The following BYSL variants were observed in gnomAD, a reference collection of about 807,000 sequenced individuals.
BYSL encodes the protein bystin.
BYSL carries 21 observed loss-of-function variants against 45.4 expected under a neutral mutation model. The observed-to-expected ratio is 0.46, with a 90% confidence interval of 0.33 to 0.67. The LOEUF (loss-of-function observed/expected upper bound fraction) is 0.67. BYSL is among the 30% of genes least tolerant of loss of function. BYSL has a pLI of 0.02. For synonymous variants in BYSL, 215 were observed against 231.3 expected (o/e 0.93, Z 0.64); for missense variants, 522 against 578.5 (o/e 0.90, Z 1.00).
chr6:41,930,378 G>A, intron 3 of BYSL, 108 bp downstream of exon 3: 2 of 1,433,956 alleles, frequency 1.4e-6, no homozygotes, highest in Non-Finnish European at 9.3e-7. Context: ...GAAGTCATGG[G>A]AGTAGAAAAC....
the BYSL span, among the ~76,000 whole-genome samples, chr6:41,912,050 CTTCT>C: frequency 2.0e-5 from 3 of 148,732 alleles, no homozygotes; most frequent in Admixed American, 1.4e-4. Context: ...TTTTCCTTTT[CTTCT>C]TTTTTTTTTT....
chr6:41,921,193 G>T, upstream of BYSL: 1 of 810,418 alleles, frequency 1.2e-6, no homozygotes, highest in Non-Finnish European at 1.9e-6. Flanking sequence ...GCGTGTCTCG[G>T]CACCCCTCGG....
chr6:41,930,261 G>T lies in BYSL; in HGVS notation c.561G>T (p.Gly187=), dbSNP rs775113265. 1 of 1,613,330 alleles carries T rather than the reference G, an allele frequency of 6.2e-7. No homozygotes were observed. The highest frequency in any genetic ancestry group is 8.5e-7 in the Non-Finnish European group (1 of 1,179,456). ...CCCGGGTCCTAGAAGTGTACAGGGG[G>T]GTCCGGGAGGTAAGAGCTGAGAGGG... is the stretch of plus-strand genomic sequence containing the variant. ...LDPRVLEVYR[G]VREVLSKYRS... The change falls in exon 3 of 7, where the codon GGG becomes GGT. Residue 187 remains glycine (G), a synonymous_variant. Coordinates refer to ENST00000230340, the MANE Select transcript of BYSL (RefSeq NM_004053.4).
rs376325571 is a variant in BYSL at position 41,921,875 on chromosome 6, G to A, written c.268+45G>A. On this transcript the variant is annotated intron_variant, in intron 1 of 6. Coordinates refer to ENST00000230340, the MANE Select transcript of BYSL (RefSeq NM_004053.4). ...TCCGAGGAAGACAGTGGCCAGTAGT[G>A]GGGCGGGGTGGGCAGCTAAAAAGTG... The A allele has an allele frequency of 8.3e-6, 13 of 1,565,358 alleles. No homozygotes were observed. In the African/African-American group the frequency reaches 1.8e-4, roughly 21 times the overall value.
chr6:41,932,095 C>T lies in BYSL; in HGVS notation c.968+265C>T, dbSNP rs762434761. Among the ~76,000 whole-genome samples, 44 of 152,018 alleles carry T rather than the reference C, an allele frequency of 2.9e-4. No individual in the cohort carries two copies. The highest frequency in any genetic ancestry group is 1.2e-4 in the Non-Finnish European group (8 of 68,014). ...AGGAAGAAAGTAGTTAGGGTGGAGACGTTGAGATGTTTGGACCATACTCTA... is the reference window on the plus strand; with the variant it reads ...AGGAAGAAAGTAGTTAGGGTGGAGATGTTGAGATGTTTGGACCATACTCTA... On this transcript the variant is annotated intron_variant, in intron 6 of 6. Coordinates refer to ENST00000230340, the MANE Select transcript of BYSL (RefSeq NM_004053.4). The surrounding 1 kb of genome is among the most constrained non-coding windows in gnomAD (Gnocchi z 4.7).
chr6:41,927,753 A>T (rs1003295858), intron 2 of BYSL: 12 of 513,830 alleles, frequency 2.3e-5, no homozygotes, highest in African/African-American at 2.1e-4. Flanking sequence ...CATTTGTTGT[A>T]CAACTGCCCA....
chr6:41,932,605 C>G lies in BYSL; in HGVS notation c.1213C>G (p.Leu405Val). ...TDQKEALLEL[L>V]RLQPHPQLSP... ...CCAGAAAGAGGCCCTCTTAGAACTG[C>G]TCCGGCTGCAGCCCCATCCACAGCT... Residue 405 changes from leucine (L) to valine (V), a missense_variant, in exon 7 of 7, where the codon CTC becomes GTC. Physicochemically the swap from Leu to Val is conservative, Grantham distance 32. Coordinates refer to ENST00000230340, the MANE Select transcript of BYSL (RefSeq NM_004053.4). The surrounding 1 kb of genome is among the most constrained non-coding windows in gnomAD (Gnocchi z 4.7). The G allele has an allele frequency of 1.9e-6, 3 of 1,614,192 alleles. No homozygotes were observed. The highest frequency in any genetic ancestry group is 2.5e-6 in the Non-Finnish European group (3 of 1,180,030).
rs1312433133 is a variant in BYSL, at chr6:41,931,423, C to A, written c.732C>A (p.Arg244=). ...TRIFASNLKE[R]MAQRFYNLVL... Reference sequence around the variant, plus strand: ...TTTTTGCCTCTAACCTGAAGGAACGCATGGCCCAGCGCTTCTACAACCTTG... The same window carrying A: ...TTTTTGCCTCTAACCTGAAGGAACGAATGGCCCAGCGCTTCTACAACCTTG... The change falls in exon 5 of 7, where the codon CGC becomes CGA. Residue 244 remains arginine (R), a synonymous_variant. Transcript: ENST00000230340. The A allele has an allele frequency of 6.2e-7, 1 of 1,614,224 alleles. No homozygotes were observed. The highest frequency in any genetic ancestry group is 1.3e-5 in the African/African-American group (1 of 75,060).
At chr6:41,921,391 G>A (rs1561942008), upstream of BYSL, 3 of 868,430 alleles carry the variant, frequency 3.5e-6, no homozygotes, top group African/African-American at 3.4e-5. Context: ...CCGGAACCCG[G>A]GAGCTCTTTT....
rs1297732985 is a variant in BYSL, at chr6:41,931,467, G to A, written c.776G>A (p.Arg259Gln). Reference protein sequence around the residue: ...FYNLVLLPRVRDDVAEYKRLN... With the variant: ...FYNLVLLPRVQDDVAEYKRLN... ...AACCTTGTCCTGCTCCCTCGAGTAC[G>A]AGATGACGTTGCTGAATACAAACGA... Residue 259 changes from arginine (R) to glutamine (Q), a missense_variant, in exon 5 of 7, where the codon CGA (arginine) becomes CAA (glutamine). By Grantham distance (43) the Arg-to-Gln change is conservative. Coordinates refer to ENST00000230340, the MANE Select transcript of BYSL (RefSeq NM_004053.4). 15 of 1,613,882 alleles carry A rather than the reference G, an allele frequency of 9.3e-6. No individual in the cohort carries two copies. Among genetic ancestry groups the A allele is most frequent in the Middle Eastern group, 1.6e-4 (1 of 6,082 alleles).
upstream of BYSL, chr6:41,921,410 G>A: frequency 3.7e-6 from 4 of 1,084,560 alleles, no homozygotes; most frequent in South Asian, 6.8e-5. Flanking sequence ...TTAGTGGGAG[G>A]GGCGGCGCTG....
At chr6:41,912,237 TACCA>T in the BYSL span, among the ~76,000 whole-genome samples, 1 of 147,588 alleles carries the variant, frequency 6.8e-6, no homozygotes. Context: ...GATGAGGTCT[TACCA>T]TCTTGCCTAG....
chr6:41,928,417 C>T (rs1775592833), intron 2 of BYSL, among the ~76,000 whole-genome samples: 1 of 152,208 alleles, frequency 6.6e-6, no homozygotes, highest in African/African-American at 2.4e-5. Flanking sequence ...ATGAGCCCCT[C>T]TCCCAGATTG....
At position 41,921,617 on chromosome 6, in the gene BYSL, C is replaced by G. The variant is rs1401319790; in HGVS notation, c.55C>G (p.Leu19Val). The change falls in exon 1 of 7, where the codon CTG becomes GTG. Residue 19 changes from leucine to valine, a missense_variant. Physicochemically the swap from Leu to Val is conservative, Grantham distance 32 (BLOSUM62 1). Coordinates refer to ENST00000230340, the MANE Select transcript of BYSL (RefSeq NM_004053.4). ...GGGGGGTCAGGAAAAACATGCGCCC[C>G]TGGCCGATCAGATCCTGGCTGGGAA... is the stretch of plus-strand genomic sequence containing the variant. ...GVGGQEKHAP[L>V]ADQILAGNAV... 6.2e-7 allele frequency: 1 copy of G among 1,612,050 alleles called. No individual in the cohort carries two copies. The highest frequency in any genetic ancestry group is 8.5e-7 in the Non-Finnish European group (1 of 1,178,900).
At chr6:41,917,502 A>C (rs1051791159), upstream of BYSL, 1 of 253,114 alleles carries the variant, frequency 4.0e-6, no homozygotes, top group Non-Finnish European at 8.2e-6. Context: ...ATCAATTAAG[A>C]TAACTCATTA....
At chr6:41,925,364 AT>A (rs778564177) in intron 1 of BYSL, among the ~76,000 whole-genome samples, 2,558 of 141,068 alleles carry the variant, frequency 0.018, 43 homozygotes, top group African/African-American at 0.051. Context: ...GACTAACTTC[AT>A]TTTTTTTTTT....
intron 1 of BYSL, 66 bp from the exon 2 acceptor site, chr6:41,927,308 G>C (rs1775577011): frequency 1.3e-6 from 2 of 1,582,862 alleles, no homozygotes; most frequent in African/African-American, 1.3e-5. Context: ...AATGGCTAAA[G>C]TTAAACTGAC....
In BYSL at chr6:41,931,798, C is replaced by T. The variant is rs1361920754; in HGVS notation, c.936C>T (p.Ile312=). The T allele has an allele frequency of 6.2e-7, 1 of 1,614,136 alleles. No individual in the cohort carries two copies. Among genetic ancestry groups the T allele is most frequent in the African/African-American group, 1.3e-5 (1 of 75,026 alleles). ...LREAIIVGSI[I]TKCSIPVLHS... is the part of the protein sequence containing the mutation. The stretch of plus-strand genomic sequence containing the variant: ...AAGCCATCATTGTGGGTAGCATCAT[C>T]ACCAAGTGCTCCATCCCTGTGTTGC... Residue 312 remains isoleucine (I), a synonymous_variant, in exon 6 of 7, where the codon ATC becomes ATT. Transcript: ENST00000230340.
intron 1 of BYSL, among the ~76,000 whole-genome samples, chr6:41,923,557 A>G (rs978778646): frequency 6.6e-6 from 1 of 152,052 alleles, no homozygotes; most frequent in Non-Finnish European, 1.5e-5. Flanking sequence ...CTGCCTCCCA[A>G]AATGCTGGGA....
Sources: allele counts gnomAD v4.1 joint callset (sites outside exome capture counted in the v4.1 genomes callset), GRCh38; gene constraint gnomAD v4.1.1; non-coding constraint Gnocchi (gnomAD v3.1); transcripts MANE v1.5; gene names NCBI Gene and HGNC (gene_info 2026-07-23, HGNC 2026-07-21).